The following ZNF653 variants were observed in gnomAD, a reference collection of about 807,000 sequenced individuals.
ZNF653 encodes the protein zinc finger protein 653.
ZNF653 carries 37 observed loss-of-function variants against 59.9 expected under a neutral mutation model. That is an observed-to-expected ratio of 0.62 (90% confidence interval 0.48 to 0.81). The LOEUF is 0.81. ZNF653 is among the 40% of genes least tolerant of loss of function. The pLI is 0.00. For missense variants in ZNF653, 808 were observed against 881.1 expected, an observed-to-expected ratio of 0.92 and a Z score of 1.05; for synonymous variants, 435 against 371.8, an observed-to-expected ratio of 1.17 and a Z score of -1.96.
chr19:11,494,473 C>T (rs1339327433), intron 3 of ZNF653, among the ~76,000 whole-genome samples: 2 of 151,994 alleles, frequency 1.3e-5, no homozygotes, highest in Non-Finnish European at 2.9e-5. Context: ...GGTGGATCAA[C>T]TGAGGTCAGG....
At chr19:11,498,178 G>A (rs2144948301) in intron 2 of ZNF653, 118 bp downstream of exon 2, 2 of 1,381,122 alleles carry the variant, frequency 1.4e-6, no homozygotes, top group Middle Eastern at 1.8e-4. Flanking sequence ...TTGAGGTCGG[G>A]CTCTGCTGGT....
chr19:11,484,143 T>TG lies in ZNF653; in HGVS notation c.1571-3dup, dbSNP rs1230710419. 6.4e-7 allele frequency: 1 copy of TG among 1,551,172 alleles called. No individual in the cohort carries two copies. Among genetic ancestry groups the TG allele is most frequent in the Non-Finnish European group, 8.7e-7 (1 of 1,147,058 alleles). On this transcript the variant is annotated splice_region_variant and splice_polypyrimidine_tract_variant and intron_variant, in intron 7 of 8. Transcript: ENST00000293771. ...TCTCGCAGGTGAATTCACGGACACC[T>TG]GGGGGCGGTGGGGACCGAGGCTGAG...
intron 1 of ZNF653, among the ~76,000 whole-genome samples, chr19:11,499,962 T>G (rs1406770042): frequency 6.6e-6 from 1 of 152,140 alleles, no homozygotes; most frequent in Non-Finnish European, 1.5e-5. Context: ...TTCGTCATGG[T>G]ACAGCCCTGT....
chr19:11,486,514 GAAC>G (rs901032471), intron 6 of ZNF653, among the ~76,000 whole-genome samples: 1 of 152,188 alleles, frequency 6.6e-6, no homozygotes, highest in African/African-American at 2.4e-5. Flanking sequence ...TAACTTACTA[GAAC>G]AACCCTGGCT....
At position 11,483,766 on chromosome 19, in the gene ZNF653, G is replaced by A; in HGVS notation, c.1764C>T (p.Cys588=). The part of the protein sequence containing the change: ...HTAEVQYNFT[C]DRCGKRFEKL... Reference sequence around the variant, plus strand: ...TCTCGAAGCGCTTCCCGCAGCGATCGCACGTGAAGTTGTACTGCACCTCCG... The same window carrying A: ...TCTCGAAGCGCTTCCCGCAGCGATCACACGTGAAGTTGTACTGCACCTCCG... Residue 588 remains cysteine, a synonymous_variant, in exon 9 of 9, where the codon TGC becomes TGT. Coordinates refer to ENST00000293771, the MANE Select transcript of ZNF653 (RefSeq NM_138783.4). 1 of 1,613,560 alleles carries A rather than the reference G, an allele frequency of 6.2e-7. No homozygotes were observed. The highest frequency in any genetic ancestry group is 8.5e-7 in the Non-Finnish European group (1 of 1,179,662).
intron 7 of ZNF653, 34 bp downstream of exon 7, chr19:11,485,622 C>T: frequency 6.4e-7 from 1 of 1,567,438 alleles, no homozygotes; most frequent in Non-Finnish European, 8.8e-7. Flanking sequence ...CCCTGTGTCC[C>T]CCGCTCATGC....
rs150907206 is a variant in ZNF653, at chr19:11,487,773, C to T, written c.690G>A (p.Pro230=). The change falls in exon 4 of 9, where the codon CCG becomes CCA. Residue 230 remains proline, a synonymous_variant. Transcript: ENST00000293771. This position sits in a 1 kb window ranked among gnomAD's most constrained non-coding sequence, Gnocchi z 5.1. Reference sequence around the variant, plus strand: ...GAGTGATGAGCCCGCTGCTGCCCACCGGGCTGGTGGGCGTCGCTGCCGCTG... The same window carrying T: ...GAGTGATGAGCCCGCTGCTGCCCACTGGGCTGGTGGGCGTCGCTGCCGCTG... ...AAAAAATPTS[P]VGSSGLITQE... is the part of the protein sequence containing the mutation. 21 of 1,612,530 alleles carry T rather than the reference C, an allele frequency of 1.3e-5. No homozygotes were observed. Among genetic ancestry groups the T allele is most frequent in the Admixed American group, 1.7e-5 (1 of 59,974 alleles).
rs539990039 is a variant in ZNF653 at position 11,487,787 on chromosome 19, TCGCTGCCGCTGC to T, written c.664_675del (p.Ala222_Ala225del). Reference sequence around the variant, plus strand: ...CTGCTGCCCACCGGGCTGGTGGGCGTCGCTGCCGCTGCCGCTGCCGCAGCCTTGACCGGCTGG... The same window carrying T: ...CTGCTGCCCACCGGGCTGGTGGGCGTCGCTGCCGCAGCCTTGACCGGCTGG... On this transcript the variant is annotated inframe_deletion, in exon 4 of 9. Transcript: ENST00000293771. This position sits in a 1 kb window ranked among gnomAD's most constrained non-coding sequence, Gnocchi z 5.1. 9.3e-6 allele frequency: 15 copies of T among 1,611,296 alleles called. No homozygotes were observed. The highest frequency in any genetic ancestry group is 6.7e-5 in the African/African-American group (5 of 74,844).
In ZNF653 at chr19:11,486,889, G is replaced by T. The variant is rs200088932; in HGVS notation, c.1344-9C>A. 11 of 1,611,036 alleles carry T rather than the reference G, an allele frequency of 6.8e-6. No individual in the cohort carries two copies. The Admixed American group carries it at 1.7e-4, about 25-fold the overall frequency. On this transcript the variant is annotated splice_polypyrimidine_tract_variant and intron_variant, in intron 5 of 8. Transcript: ENST00000293771. ...GCTTGCTCCGCCGCCTCCTGGAGGG[G>T]AAGGGGCCATGACATCGGGGCTCCC...
At chr19:11,490,678 C>T (rs1971520849) in intron 3 of ZNF653, among the ~76,000 whole-genome samples, 1 of 152,172 alleles carries the variant, frequency 6.6e-6, no homozygotes, top group Admixed American at 6.5e-5. Context: ...CAGGTGTGAG[C>T]CACCGCGACT....
chr19:11,502,310 T>C (rs1223324182), intron 1 of ZNF653, among the ~76,000 whole-genome samples: 3 of 152,028 alleles, frequency 2.0e-5, no homozygotes, highest in African/African-American at 4.8e-5. Context: ...CAGGCTGGTC[T>C]CAAATTCCTG....
chr19:11,498,148 C>T (rs1411105801), intron 2 of ZNF653, 148 bp downstream of exon 2: 3 of 1,027,432 alleles, frequency 2.9e-6, no homozygotes, highest in East Asian at 2.4e-5. Context: ...GCCTGAGACA[C>T]AAGACACGCA....
At position 11,505,771 on chromosome 19, in the gene ZNF653, G is replaced by A; in HGVS notation, c.16C>T (p.Leu6=). 1 of 1,408,530 alleles carries A rather than the reference G, an allele frequency of 7.1e-7. No individual in the cohort carries two copies. The highest frequency in any genetic ancestry group is 9.2e-7 in the Non-Finnish European group (1 of 1,091,830). The allele number at this position is 1,408,530 out of a possible 1,614,324, so 87.3% of individuals were successfully genotyped here. MAERA[L]EPEAEAEAEA... ...GCCTCCGCCTCCGCCTCGGGCTCTA[G>A]CGCCCGCTCCGCCATCCCCCCCACC... The change falls in exon 1 of 9, where the codon CTA becomes TTA. Residue 6 remains leucine (L), a synonymous_variant. Coordinates refer to ENST00000293771, the MANE Select transcript of ZNF653 (RefSeq NM_138783.4).
intron 6 of ZNF653, 119 bp from the exon 7 acceptor site, chr19:11,485,889 G>A (rs774291759): frequency 3.8e-4 from 284 of 747,398 alleles, no homozygotes; most frequent in Non-Finnish European, 5.7e-4. Flanking sequence ...GAGGAGGGAA[G>A]AGGGGTACCC....
In ZNF653 at chr19:11,487,565, C is replaced by A. The variant is rs1247518080; in HGVS notation, c.898G>T (p.Ala300Ser). The change falls in exon 4 of 9, where the codon GCC (alanine) becomes TCC (serine). Residue 300 changes from alanine to serine, a missense_variant. Transcript: ENST00000293771. The surrounding 1 kb of genome is among the most constrained non-coding windows in gnomAD (Gnocchi z 5.1). ...SALFENVPQE[A>S]LGEVVASCPM... ...CAGCTGGCCACCACCTCACCCAGGGCCTCCTGGGGCACGTTCTCAAAGAGG... is the reference window on the plus strand; with the variant it reads ...CAGCTGGCCACCACCTCACCCAGGGACTCCTGGGGCACGTTCTCAAAGAGG... 1.2e-6 allele frequency: 2 copies of A among 1,613,946 alleles called. No homozygotes were observed. Among genetic ancestry groups the A allele is most frequent in the Admixed American group, 1.7e-5 (1 of 60,028 alleles).
rs566286289 is a variant in ZNF653 at position 11,495,899 on chromosome 19, A to G, written c.559+51T>C. 2 of 1,555,010 alleles carry G rather than the reference A, an allele frequency of 1.3e-6. No individual in the cohort carries two copies. Among genetic ancestry groups the G allele is most frequent in the Non-Finnish European group, 1.8e-6 (2 of 1,140,796 alleles). ...GTGATGCTAGCCTAGGGCTCGTAAG[A>G]AGCCCCCAGAAATGGGCGGCCCCCT... On this transcript the variant is annotated intron_variant, in intron 3 of 8. Coordinates refer to ENST00000293771, the MANE Select transcript of ZNF653 (RefSeq NM_138783.4). The surrounding 1 kb of genome is among the most constrained non-coding windows in gnomAD (Gnocchi z 4.9).
At chr19:11,484,003 A>C in intron 8 of ZNF653, 39 bp downstream of exon 8, 2 of 1,544,450 alleles carry the variant, frequency 1.3e-6, no homozygotes, top group Non-Finnish European at 1.7e-6. Context: ...ATCCCCTCCC[A>C]CCCAATCCTC....
intron 3 of ZNF653, among the ~76,000 whole-genome samples, chr19:11,489,002 C>T (rs1035214205): frequency 5.3e-5 from 8 of 151,380 alleles, no homozygotes; most frequent in African/African-American, 1.7e-4. Flanking sequence ...TGGGTTCAAG[C>T]GATTCTCCTG....
intron 3 of ZNF653, among the ~76,000 whole-genome samples, chr19:11,490,515 T>C (rs1599562809): frequency 6.6e-6 from 1 of 151,970 alleles, no homozygotes; most frequent in Non-Finnish European, 1.5e-5. Flanking sequence ...GCCTCCTGAG[T>C]AGCTGGGACT....
Sources: gnomAD v4.1 joint callset for allele counts (sites outside exome capture counted in the v4.1 genomes callset) on GRCh38, gnomAD v4.1.1 for gene constraint, Gnocchi (gnomAD v3.1) non-coding constraint, MANE v1.5 for transcripts, NCBI Gene and HGNC (gene_info 2026-07-23, HGNC 2026-07-21) for gene names.